LPP: variants seen among roughly 807,000 people sequenced by gnomAD.
LPP encodes the protein LIM domain containing preferred translocation partner in lipoma.
In LPP, 38 loss-of-function variants were observed where a neutral mutation model predicts 60.4. The ratio of observed to expected loss-of-function variants is 0.63; its 90% CI spans 0.49 to 0.83. The LOEUF is 0.83. Ranked by LOEUF, LPP falls within the 40% of genes least tolerant of loss-of-function variation. The pLI is 0.00. For synonymous variants in LPP, 328 were observed against 290.8 expected, an observed-to-expected ratio of 1.13 and a Z score of -1.30; for missense variants, 902 against 783.6, an observed-to-expected ratio of 1.15 and a Z score of -1.80.
intron 6 of LPP, among the ~76,000 whole-genome samples, chr3:188,587,446 T>C (rs533687882): frequency 6.2e-4 from 94 of 152,252 alleles, no homozygotes; most frequent in African/African-American, 2.2e-3. Context: ...TATTTTCATG[T>C]TGTTACTACA....
intron 5 of LPP, among the ~76,000 whole-genome samples, chr3:188,506,673 A>G (rs1026756586): frequency 3.3e-5 from 5 of 152,170 alleles, no homozygotes; most frequent in East Asian, 1.9e-4. Context: ...CCTAACCACA[A>G]CTAGAGATTT....
intron 7 of LPP, among the ~76,000 whole-genome samples, chr3:188,677,664 G>T (rs1261688209): frequency 6.6e-6 from 1 of 152,130 alleles, no homozygotes; most frequent in Non-Finnish European, 1.5e-5. Flanking sequence ...GAGCTGCTCT[G>T]TCATTTGCAT....
At chr3:188,200,123 A>C (rs1325951202) in intron 1 of LPP, among the ~76,000 whole-genome samples, 1 of 152,150 alleles carries the variant, frequency 6.6e-6, no homozygotes, top group Non-Finnish European at 1.5e-5. Flanking sequence ...GTGATCGGTT[A>C]ATTTATCTAT....
chr3:188,513,364 C>G (rs1203585917), intron 5 of LPP, among the ~76,000 whole-genome samples: 1 of 152,098 alleles, frequency 6.6e-6, no homozygotes, highest in Non-Finnish European at 1.5e-5. Flanking sequence ...GGAAATATTA[C>G]TAAAGGAGAT....
intron 5 of LPP, among the ~76,000 whole-genome samples, chr3:188,524,028 G>C (rs1211058857): frequency 2.0e-5 from 3 of 152,128 alleles, no homozygotes; most frequent in Non-Finnish European, 2.9e-5. Context: ...TTCTGACATA[G>C]GAAATCCGGA....
intron 9 of LPP, among the ~76,000 whole-genome samples, chr3:188,794,620 C>CA (rs1375400900): frequency 6.6e-6 from 1 of 151,994 alleles, no homozygotes; most frequent in Non-Finnish European, 1.5e-5. Flanking sequence ...AGATTCAGCA[C>CA]AAAAAAGAAT....
chr3:188,373,155 C>T lies in LPP; in HGVS notation c.-10+31436C>T, dbSNP rs987983563. 5.3e-5 allele frequency among the ~76,000 whole-genome samples: 8 copies of T among 152,192 alleles called. No homozygotes were observed. The East Asian group carries it at 5.8e-4, about 11-fold the overall frequency. On this transcript the variant is annotated intron_variant, in intron 3 of 11. Coordinates refer to ENST00000617246, the MANE Select transcript of LPP (RefSeq NM_001375462.1). ...AAGTCTTTGCTATTGTGAATAGTGC[C>T]GCTATAAACATACGTGTGCATGTGT... is the stretch of plus-strand genomic sequence containing the variant.
chr3:188,626,732 C>T (rs1446602178), intron 7 of LPP, among the ~76,000 whole-genome samples: 1 of 152,144 alleles, frequency 6.6e-6, no homozygotes, highest in Admixed American at 6.5e-5. Flanking sequence ...TTAATGGCCT[C>T]TTTAAAGGCC....
intron 2 of LPP, among the ~76,000 whole-genome samples, chr3:188,302,342 A>G (rs1321722132): frequency 6.6e-6 from 1 of 152,208 alleles, no homozygotes; most frequent in Non-Finnish European, 1.5e-5. Flanking sequence ...TACTCTTTGC[A>G]GTAAACCACA....
chr3:188,289,144 A>G (rs549108168), intron 2 of LPP, among the ~76,000 whole-genome samples: 1 of 152,256 alleles, frequency 6.6e-6, no homozygotes, highest in Non-Finnish European at 1.5e-5. Context: ...GAGTTATTTT[A>G]GCATTTTAGA....
chr3:188,240,988 G>C (rs1724427059), intron 2 of LPP, among the ~76,000 whole-genome samples: 1 of 152,332 alleles, frequency 6.6e-6, no homozygotes, highest in Admixed American at 6.5e-5. Context: ...AAAATGTTAA[G>C]ATGTTACGGG....
At chr3:188,231,190 G>A (rs947955104) in intron 2 of LPP, among the ~76,000 whole-genome samples, 1 of 152,164 alleles carries the variant, frequency 6.6e-6, no homozygotes, top group African/African-American at 2.4e-5. Context: ...CTAGGTCCAG[G>A]CCACACTGAA....
At chr3:188,719,325 T>C (rs1715390914) in intron 8 of LPP, among the ~76,000 whole-genome samples, 1 of 152,144 alleles carries the variant, frequency 6.6e-6, no homozygotes, top group East Asian at 1.9e-4. Flanking sequence ...TTTTCTTACG[T>C]TTACTTGAGT....
At chr3:188,558,458 T>C (rs556230314) in intron 6 of LPP, among the ~76,000 whole-genome samples, 15 of 152,232 alleles carry the variant, frequency 9.9e-5, no homozygotes, top group African/African-American at 3.6e-4. Context: ...TTGTCACATA[T>C]ATACCCTGTT....
intron 3 of LPP, among the ~76,000 whole-genome samples, chr3:188,377,266 G>A (rs1353258173): frequency 1.3e-5 from 2 of 152,122 alleles, no homozygotes; most frequent in Non-Finnish European, 2.9e-5. Flanking sequence ...TTGCTAGATT[G>A]GGGAAGTTCT....
chr3:188,441,841 G>C (rs2042711), intron 4 of LPP, among the ~76,000 whole-genome samples: 150,716 of 151,520 alleles, frequency 0.99, 74,965 homozygotes, highest in Middle Eastern at 1. Flanking sequence ...AGCCAGGATG[G>C]TCTCCATCTC....
chr3:188,814,363 A>G (rs1055333740), intron 9 of LPP, among the ~76,000 whole-genome samples: 3 of 152,184 alleles, frequency 2.0e-5, no homozygotes, highest in African/African-American at 2.4e-5. Flanking sequence ...CACTGGTTCA[A>G]TTCAGAAGTA....
intron 9 of LPP, among the ~76,000 whole-genome samples, chr3:188,826,918 G>T (rs905643564): frequency 3.9e-5 from 6 of 151,972 alleles, no homozygotes; most frequent in Non-Finnish European, 7.4e-5. Context: ...ATCTTCTCCT[G>T]TCTCTTCCCT....
chr3:188,683,873 C>A (rs1387381874), intron 7 of LPP, among the ~76,000 whole-genome samples: 1 of 152,170 alleles, frequency 6.6e-6, no homozygotes, highest in Non-Finnish European at 1.5e-5. Flanking sequence ...ATTATGCATA[C>A]AATTTACACG....
Sources: allele counts gnomAD v4.1 joint callset (sites outside exome capture counted in the v4.1 genomes callset), GRCh38; gene constraint gnomAD v4.1.1; transcripts MANE v1.5; gene names NCBI Gene and HGNC (gene_info 2026-07-23, HGNC 2026-07-21).